The following E2F2 variants were observed in gnomAD, a reference collection of about 807,000 sequenced individuals.
The protein encoded by E2F2 is transcription factor E2F2.
A neutral mutation model predicts 42.2 loss-of-function variants in E2F2; 22 were observed. That is an observed-to-expected ratio of 0.52 (90% confidence interval 0.37 to 0.74). E2F2 has a LOEUF of 0.74. E2F2 is among the 30% of genes least tolerant of loss of function. E2F2 has a pLI of 0.00. For synonymous variants in E2F2, 248 were observed against 251.6 expected (o/e 0.99, Z 0.13); for missense variants, 481 against 557.8 (o/e 0.86, Z 1.39).
Position 23,521,755 on chromosome 1 carries a change from C to G in E2F2, c.578+82G>C, listed in dbSNP as rs1005717081. On this transcript the variant is annotated intron_variant, in intron 3 of 6. Coordinates refer to ENST00000361729, the MANE Select transcript of E2F2 (RefSeq NM_004091.4). ...TGCTCTCAGCCCCGCCCCTGCCACT[C>G]ACACCCACTGGCTATTGCCTCTGGC... 3 of 1,570,832 alleles carry G rather than the reference C, an allele frequency of 1.9e-6. No individual in the cohort carries two copies. In the Admixed American group the frequency reaches 5.3e-5, roughly 28 times the overall value.
chr1:23,522,955 C>A (rs1481118566), intron 2 of E2F2, among the ~76,000 whole-genome samples: 1 of 152,180 alleles, frequency 6.6e-6, no homozygotes, highest in Non-Finnish European at 1.5e-5. Flanking sequence ...GTGCTCTGGG[C>A]AGCCTTGACC....
chr1:23,514,599 AG>A (rs1429855965), intron 6 of E2F2, among the ~76,000 whole-genome samples: 2 of 151,714 alleles, frequency 1.3e-5, no homozygotes, highest in Non-Finnish European at 2.9e-5. Flanking sequence ...AAGCCAAGGC[AG>A]GTGGATCACC....
chr1:23,516,715 G>T (rs534075756), intron 5 of E2F2, among the ~76,000 whole-genome samples, 188 bp from the exon 6 acceptor site: 1 of 142,450 alleles, frequency 7.0e-6, no homozygotes, highest in East Asian at 2.1e-4. Flanking sequence ...TGGCCCTGAA[G>T]CCCACTTCTT....
At position 23,530,511 on chromosome 1, in the gene E2F2, A is replaced by T. The variant is rs764630589; in HGVS notation, c.252+31T>A. ...TCCTTTCCCACACCTGGAAAAGCAT[A>T]GGGGGAAGCGGTGGGGGCCCCCAGC... is the stretch of plus-strand genomic sequence containing the variant. On this transcript the variant is annotated intron_variant, in intron 1 of 6. Transcript: ENST00000361729. This position sits in a 1 kb window ranked among gnomAD's most constrained non-coding sequence, Gnocchi z 4.4. 4 of 1,608,784 alleles carry T rather than the reference A, an allele frequency of 2.5e-6. No individual in the cohort carries two copies. In the East Asian group the frequency reaches 8.9e-5, roughly 36 times the overall value.
chr1:23,510,174 G>A, intron 6 of E2F2, 26 bp from the exon 7 acceptor site: 2 of 1,548,862 alleles, frequency 1.3e-6, no homozygotes, highest in Non-Finnish European at 1.7e-6. Flanking sequence ...CAAAGGTTAC[G>A]CCTGGCCCTA....
intron 1 of E2F2, among the ~76,000 whole-genome samples, chr1:23,529,668 A>G (rs3218129): frequency 0.064 from 9,762 of 152,274 alleles, 351 homozygotes; most frequent in South Asian, 0.12. Flanking sequence ...AGAACACTGA[A>G]GCCCAGACTG....
chr1:23,508,863 GTTT>G lies in E2F2; in HGVS notation c.*1014_*1016del, dbSNP rs879835376. ...GGGGGCAGAGGGGATGCTTTTGGCA[GTTT>G]TTTGTTTTAATCTGACCCTTCTTTA... On this transcript the variant is annotated 3_prime_UTR_variant, in exon 7 of 7. Coordinates refer to ENST00000361729, the MANE Select transcript of E2F2 (RefSeq NM_004091.4). The G allele has an allele frequency of 6.6e-6, 1 of 152,168 alleles. No individual in the cohort carries two copies. The highest frequency in any genetic ancestry group is 6.6e-5 in the Admixed American group (1 of 15,266). 9.4% of individuals were successfully genotyped at this position (152,168 alleles called of 1,614,324 possible).
In E2F2 at chr1:23,506,609, T is replaced by A. The variant is rs963798274; in HGVS notation, c.*3271A>T. On this transcript the variant is annotated 3_prime_UTR_variant, in exon 7 of 7. Transcript: ENST00000361729. ...CCCTCGAAAAGTGCCACAGGCAAGG[T>A]TCTTCAGCTCACCCAGGAGCCAGCA... 1 of 152,198 alleles carries A rather than the reference T, an allele frequency of 6.6e-6. No homozygotes were observed. The highest frequency in any genetic ancestry group is 2.4e-5 in the African/African-American group (1 of 41,418). 9.4% of individuals were successfully genotyped at this position (152,198 alleles called of 1,614,324 possible).
chr1:23,520,889 C>T (rs761388564), intron 4 of E2F2, 24 bp downstream of exon 4: 11 of 1,533,940 alleles, frequency 7.2e-6, no homozygotes, highest in Middle Eastern at 1.7e-4. Flanking sequence ...CTCCCTGACA[C>T]CTTCCCCCAA....
chr1:23,524,118 G>C (rs1284646759), intron 2 of E2F2, among the ~76,000 whole-genome samples: 1 of 141,366 alleles, frequency 7.1e-6, no homozygotes, highest in Admixed American at 7.0e-5. Flanking sequence ...AAAAAACACA[G>C]AAGTAATGCA....
In E2F2 at chr1:23,530,451, T is replaced by G; in HGVS notation, c.252+91A>C. 1 of 1,517,740 alleles carries G rather than the reference T, an allele frequency of 6.6e-7. No homozygotes were observed. Among genetic ancestry groups the G allele is most frequent in the Non-Finnish European group, 8.8e-7 (1 of 1,133,432 alleles). The allele number at this position is 1,517,740 out of a possible 1,614,324, so 94.0% of individuals were successfully genotyped here. A position where few individuals can be genotyped will look rare whatever the true frequency, so the allele number is the denominator to read the frequency against. ...TCTTCCCTCTTCCCAAAACTCTACC[T>G]GCTCCACTCAAACTGGATCTCAGGC... On this transcript the variant is annotated intron_variant, in intron 1 of 6. Transcript: ENST00000361729. The surrounding 1 kb of genome is among the most constrained non-coding windows in gnomAD (Gnocchi z 4.4).
chr1:23,514,301 T>G, intron 6 of E2F2, among the ~76,000 whole-genome samples: 1 of 151,584 alleles, frequency 6.6e-6, no homozygotes, highest in Non-Finnish European at 1.5e-5. Flanking sequence ...GGGGCAGAGG[T>G]CTGGGATGGG....
At chr1:23,513,660 C>T (rs897539636) in intron 6 of E2F2, among the ~76,000 whole-genome samples, 17 of 149,610 alleles carry the variant, frequency 1.1e-4, no homozygotes, top group Non-Finnish European at 3.0e-5. Context: ...TGCAGTGAGC[C>T]AAGACCAGGA....
At chr1:23,522,134 A>C (rs1570468051) in intron 2 of E2F2, 78 bp from the exon 3 acceptor site, 9 of 1,330,858 alleles carry the variant, frequency 6.8e-6, no homozygotes, top group Non-Finnish European at 8.3e-6. Flanking sequence ...ACCTAGGCTC[A>C]TTAAGTACCA....
At chr1:23,518,745 A>C (rs1643077132) in intron 5 of E2F2, among the ~76,000 whole-genome samples, 1 of 152,182 alleles carries the variant, frequency 6.6e-6, no homozygotes, top group Non-Finnish European at 1.5e-5. Flanking sequence ...CGTGGGCATG[A>C]GTGTGCATGT....
Position 23,521,710 on chromosome 1 carries a change from C to G in E2F2, c.578+127G>C, listed in dbSNP as rs3218169. On this transcript the variant is annotated intron_variant, in intron 3 of 6. Transcript: ENST00000361729. ...GGATGTTGCTCTTGGTCCGCCTCAG[C>G]CCTTGTGCCCATTGGATGTTGCTCT... 3.8e-3 allele frequency: 5,737 copies of G among 1,491,788 alleles called. 15 individuals carry two copies. The highest frequency in any genetic ancestry group is 4.8e-3 in the Non-Finnish European group (5,428 of 1,121,160). 92.4% of individuals were successfully genotyped at this position (1,491,788 alleles called of 1,614,324 possible).
intron 4 of E2F2, 185 bp from the exon 5 acceptor site, chr1:23,519,315 G>C (rs924865551): frequency 7.3e-6 from 3 of 409,768 alleles, no homozygotes; most frequent in African/African-American, 2.0e-5. Context: ...CCTTTGGAAA[G>C]CAAATGGGAA....
intron 2 of E2F2, among the ~76,000 whole-genome samples, chr1:23,522,568 A>G (rs1014076715): frequency 9.9e-5 from 15 of 152,168 alleles, no homozygotes; most frequent in African/African-American, 3.4e-4. Flanking sequence ...CCATTACCCT[A>G]TCCTGCCACT....
intron 1 of E2F2, among the ~76,000 whole-genome samples, chr1:23,525,330 A>C (rs1643233544): frequency 6.6e-6 from 1 of 152,110 alleles, no homozygotes; most frequent in Admixed American, 6.5e-5. Context: ...ACTGGCCCGG[A>C]AAGGGCCTCT....
Sources: allele counts gnomAD v4.1 joint callset (sites outside exome capture counted in the v4.1 genomes callset), GRCh38; gene constraint gnomAD v4.1.1; non-coding constraint Gnocchi (gnomAD v3.1); transcripts MANE v1.5; gene names NCBI Gene and HGNC (gene_info 2026-07-23, HGNC 2026-07-21).